Variants in ZCCHC4 observed in about 807,000 individuals in gnomAD.
ZCCHC4 encodes the protein rRNA N(6)-adenosine-methyltransferase ZCCHC4.
Under a neutral mutation model 67.7 loss-of-function variants are expected in ZCCHC4, and 54 were observed. The observed-to-expected ratio is 0.80, with a 90% CI of 0.64 to 1.00. The LOEUF is 1.00. ZCCHC4 is among the 50% of genes least tolerant of loss of function. The pLI, the probability that ZCCHC4 is intolerant of heterozygous loss-of-function variation, is 0.00. For missense variants in ZCCHC4, 609 were observed against 617.0 expected, an observed-to-expected ratio of 0.99 and a Z score of 0.14; for synonymous variants, 198 against 213.5, an observed-to-expected ratio of 0.93 and a Z score of 0.63.
chr4:25,362,916 C>T (rs1173984284), intron 10 of ZCCHC4, among the ~76,000 whole-genome samples: 1 of 152,128 alleles, frequency 6.6e-6, no homozygotes, highest in Non-Finnish European at 1.5e-5. Flanking sequence ...GAGATTCCCC[C>T]TATGTCCCCT....
At chr4:25,320,438 G>A (rs984856173) in intron 3 of ZCCHC4, among the ~76,000 whole-genome samples, 4 of 151,996 alleles carry the variant, frequency 2.6e-5, no homozygotes, top group Non-Finnish European at 5.9e-5. Context: ...CATAATTTGT[G>A]TACTCCAGGA....
chr4:25,328,305 T>A (rs944668986), intron 3 of ZCCHC4, among the ~76,000 whole-genome samples: 1 of 152,090 alleles, frequency 6.6e-6, no homozygotes, highest in Non-Finnish European at 1.5e-5. Context: ...AGTGGCACGA[T>A]CTCTGCTCAC....
At chr4:25,340,268 T>C (rs918386511) in intron 5 of ZCCHC4, among the ~76,000 whole-genome samples, 7 of 152,308 alleles carry the variant, frequency 4.6e-5, no homozygotes, top group African/African-American at 1.7e-4. Context: ...TCTTTTCCCA[T>C]TGAATTGTCT....
intron 6 of ZCCHC4, among the ~76,000 whole-genome samples, chr4:25,347,666 G>T (rs1302181528): frequency 6.6e-6 from 1 of 152,190 alleles, no homozygotes; most frequent in Non-Finnish European, 1.5e-5. Context: ...CTTTGAGGCT[G>T]TCCAGGGTGC....
At chr4:25,321,529 C>T (rs968497413) in intron 3 of ZCCHC4, among the ~76,000 whole-genome samples, 3 of 151,572 alleles carry the variant, frequency 2.0e-5, no homozygotes, top group East Asian at 3.9e-4. Context: ...CCCGCCACCA[C>T]GCCCAGCTAA....
intron 5 of ZCCHC4, among the ~76,000 whole-genome samples, chr4:25,338,343 C>T (rs1398239741): frequency 6.6e-6 from 1 of 152,202 alleles, no homozygotes; most frequent in East Asian, 1.9e-4. Context: ...GTGTGCCTGC[C>T]TCAGCCTCCC....
chr4:25,367,162 C>CAA (rs1203716499), intron 12 of ZCCHC4, among the ~76,000 whole-genome samples: 6 of 151,978 alleles, frequency 3.9e-5, no homozygotes, highest in Non-Finnish European at 7.4e-5. Context: ...ATTTGTTTTT[C>CAA]CTTGGTGTTA....
chr4:25,321,312 G>T (rs1335743594), intron 3 of ZCCHC4, among the ~76,000 whole-genome samples: 1 of 151,746 alleles, frequency 6.6e-6, no homozygotes, highest in African/African-American at 2.4e-5. Context: ...GAGTGCAGTG[G>T]TGCATTCATA....
intron 2 of ZCCHC4, 36 bp downstream of exon 2, chr4:25,314,200 T>G (rs1195534393): frequency 7.1e-7 from 1 of 1,402,186 alleles, no homozygotes. Context: ...TTTTTATTTT[T>G]GGTATGTGTG....
intron 8 of ZCCHC4, among the ~76,000 whole-genome samples, chr4:25,356,984 A>G (rs900539592): frequency 1.3e-5 from 2 of 152,220 alleles, no homozygotes; most frequent in Non-Finnish European, 2.9e-5. Context: ...GCCGTCATCC[A>G]GCTTCACTTG....
chr4:25,365,237 C>A, intron 12 of ZCCHC4, 71 bp downstream of exon 12: 1 of 1,581,984 alleles, frequency 6.3e-7, no homozygotes. Context: ...CAAAAGCATG[C>A]AACATTCAGA....
At chr4:25,350,688 T>C (rs1441961509) in intron 7 of ZCCHC4, among the ~76,000 whole-genome samples, 1 of 152,222 alleles carries the variant, frequency 6.6e-6, no homozygotes, top group Admixed American at 6.5e-5. Flanking sequence ...CCACTAATAG[T>C]GCTTTGAGGG....
intron 5 of ZCCHC4, among the ~76,000 whole-genome samples, chr4:25,335,276 G>T (rs528221620): frequency 6.6e-6 from 1 of 152,156 alleles, no homozygotes; most frequent in East Asian, 1.9e-4. Context: ...GTGAAACCCT[G>T]TCCCTACTAA....
intron 3 of ZCCHC4, among the ~76,000 whole-genome samples, chr4:25,319,206 AC>A (rs568935782): frequency 1.3e-3 from 202 of 151,954 alleles, no homozygotes; most frequent in African/African-American, 4.7e-3. Flanking sequence ...ACATGGTGAA[AC>A]CCCGTCTCTA....
chr4:25,365,763 C>G (rs1720916586), intron 12 of ZCCHC4: 10 of 985,384 alleles, frequency 1.0e-5, no homozygotes, highest in Non-Finnish European at 1.2e-5. Context: ...ATGGGGATAC[C>G]TATGACAATA....
chr4:25,335,579 G>A (rs1308626018), intron 5 of ZCCHC4, among the ~76,000 whole-genome samples: 2 of 152,088 alleles, frequency 1.3e-5, no homozygotes, highest in East Asian at 1.9e-4. Flanking sequence ...GGGCAACATG[G>A]TAAAACCCCA....
Position 25,366,551 on chromosome 4 carries a change from C to T in ZCCHC4, c.1406+1385C>T, listed in dbSNP as rs980034766. ...CAGGATGGTCTTGATCTCCTGACCT[C>T]GTGATCTGCCTGCCTTGGCCTCCCC... On this transcript the variant is annotated intron_variant, in intron 12 of 12. Coordinates refer to ENST00000302874, the MANE Select transcript of ZCCHC4 (RefSeq NM_024936.3). 6.6e-5 allele frequency among the ~76,000 whole-genome samples: 10 copies of T among 152,224 alleles called. 1 individual carries two copies. In the South Asian group the frequency reaches 2.1e-3, roughly 32 times the overall value.
intron 12 of ZCCHC4, chr4:25,365,577 A>C: frequency 3.0e-6 from 3 of 988,106 alleles, no homozygotes; most frequent in Non-Finnish European, 3.6e-6. Context: ...TTGAATAGCA[A>C]GTAATTCCAC....
At chr4:25,337,905 G>A (rs535613696) in intron 5 of ZCCHC4, among the ~76,000 whole-genome samples, 76 of 151,966 alleles carry the variant, frequency 5.0e-4, no homozygotes, top group Non-Finnish European at 8.8e-4. Context: ...ACCATAGTGC[G>A]TCTTCTCAAA....
Sources: gnomAD v4.1 joint callset for allele counts (sites outside exome capture counted in the v4.1 genomes callset) on GRCh38, gnomAD v4.1.1 for gene constraint, MANE v1.5 for transcripts, NCBI Gene and HGNC (gene_info 2026-07-23, HGNC 2026-07-21) for gene names.